Variants in SHB observed in about 807,000 individuals in gnomAD.
SHB encodes SH2 domain containing adaptor protein B, also known as SH2 domain-containing adapter protein B.
In SHB, 20 loss-of-function variants were observed where a neutral mutation model predicts 52.3. The observed-to-expected ratio is 0.38, with a 90% CI of 0.27 to 0.56. The LOEUF (loss-of-function observed/expected upper bound fraction) is 0.56. Among genes scored for constraint, SHB ranks in the 20% least tolerant of loss-of-function variants. The probability of loss-of-function intolerance (pLI) is 0.71; values close to 1 mark genes in which losing one functional copy is unlikely to be tolerated. For missense variants in SHB, 825 were observed against 723.3 expected (o/e 1.14, Z -1.61); for synonymous variants, 397 against 316.5 (o/e 1.25, Z -2.70).
intron 1 of SHB, 77 bp downstream of exon 1, chr9:38,067,852 C>A: frequency 7.3e-7 from 1 of 1,378,888 alleles, no homozygotes; most frequent in African/African-American, 1.5e-5. Flanking sequence ...GACTCAACAC[C>A]AGAGCGGCGG....
chr9:37,965,747 G>A (rs1157265460), intron 3 of SHB, among the ~76,000 whole-genome samples: 1 of 151,824 alleles, frequency 6.6e-6, no homozygotes. Flanking sequence ...AGCTAATTTT[G>A]TATTTTGGGG....
intron 2 of SHB, among the ~76,000 whole-genome samples, chr9:37,977,072 C>A (rs1015524952): frequency 2.6e-5 from 4 of 152,192 alleles, no homozygotes; most frequent in African/African-American, 9.7e-5. Flanking sequence ...GCCATTTCTG[C>A]CTACCAGTTG....
intron 1 of SHB, among the ~76,000 whole-genome samples, chr9:38,025,444 G>A (rs1358300613): frequency 6.6e-6 from 1 of 152,188 alleles, no homozygotes; most frequent in Non-Finnish European, 1.5e-5. Flanking sequence ...ATGGGCCTGA[G>A]AAGGGTATCA....
chr9:37,928,418 A>C (rs1485278685), intron 5 of SHB, among the ~76,000 whole-genome samples: 1 of 152,202 alleles, frequency 6.6e-6, no homozygotes, highest in Non-Finnish European at 1.5e-5. Context: ...AGGCTCCTTA[A>C]AGCAGTGGCT....
intron 3 of SHB, among the ~76,000 whole-genome samples, chr9:37,973,992 C>T (rs572903453): frequency 6.6e-5 from 10 of 152,208 alleles, no homozygotes; most frequent in Non-Finnish European, 1.3e-4. Context: ...TGGTGGCTCA[C>T]GCCTGTAATC....
At chr9:38,046,860 C>A (rs138017797) in intron 1 of SHB, among the ~76,000 whole-genome samples, 93 of 152,366 alleles carry the variant, frequency 6.1e-4, no homozygotes, top group African/African-American at 1.9e-3. Context: ...ACAAGACAAA[C>A]CACATTCCAC....
In SHB at chr9:38,035,061, G is replaced by A. The variant is rs186974937; in HGVS notation, c.718-18930C>T. ...ATAAAGAGCCCAGACTCTCCCCCACGTCTCATGGGCATAATTGAAGGGACC... is the reference window on the plus strand; with the variant it reads ...ATAAAGAGCCCAGACTCTCCCCCACATCTCATGGGCATAATTGAAGGGACC... On this transcript the variant is annotated intron_variant, in intron 1 of 5. Coordinates refer to ENST00000377707, the MANE Select transcript of SHB (RefSeq NM_003028.3). Among the ~76,000 whole-genome samples the A allele has an allele frequency of 4.9e-3, 738 of 152,126 alleles. 7 individuals carry two copies. The highest frequency in any genetic ancestry group is 0.017 in the African/African-American group (712 of 41,500).
At chr9:37,944,778 C>T (rs1033217314) in intron 5 of SHB, among the ~76,000 whole-genome samples, 3 of 152,302 alleles carry the variant, frequency 2.0e-5, no homozygotes, top group Non-Finnish European at 4.4e-5. Context: ...CTGAGCTGCC[C>T]TGCTAGCCGT....
chr9:38,033,891 G>A (rs1041192214), intron 1 of SHB, among the ~76,000 whole-genome samples: 1 of 152,164 alleles, frequency 6.6e-6, no homozygotes, highest in Non-Finnish European at 1.5e-5. Flanking sequence ...ATTTAAGAAG[G>A]GGGAGGTGGC....
Position 37,982,030 on chromosome 9 carries a change from C to T in SHB, c.839-7193G>A, listed in dbSNP as rs975106327. Among the ~76,000 whole-genome samples the T allele has an allele frequency of 3.3e-5, 5 of 151,226 alleles. No homozygotes were observed. The East Asian group carries it at 5.8e-4, about 18-fold the overall frequency. On this transcript the variant is annotated intron_variant, in intron 2 of 5. Coordinates refer to ENST00000377707, the MANE Select transcript of SHB (RefSeq NM_003028.3). ...GACACAGAGACACAAAATGAGCACA[C>T]GCTGTTGGAAAAATGATGCTGATAG... is the stretch of plus-strand genomic sequence containing the variant.
intron 5 of SHB, among the ~76,000 whole-genome samples, chr9:37,933,008 A>C (rs1466934904): frequency 6.6e-6 from 1 of 152,226 alleles, no homozygotes; most frequent in Non-Finnish European, 1.5e-5. Context: ...AGAAGAAAAA[A>C]AATCCAGAGG....
intron 1 of SHB, among the ~76,000 whole-genome samples, chr9:38,043,266 C>T (rs1465287250): frequency 6.6e-6 from 1 of 152,212 alleles, no homozygotes; most frequent in Non-Finnish European, 1.5e-5. Flanking sequence ...GTGCCCTGTC[C>T]TGCATTCCCC....
At chr9:38,047,264 C>T (rs1231338906) in intron 1 of SHB, among the ~76,000 whole-genome samples, 4 of 152,232 alleles carry the variant, frequency 2.6e-5, no homozygotes, top group African/African-American at 9.6e-5. Context: ...CCTGTGAGGA[C>T]TCCAATGAGA....
chr9:37,954,056 G>A (rs1164306431), intron 4 of SHB, among the ~76,000 whole-genome samples: 2 of 152,158 alleles, frequency 1.3e-5, no homozygotes, highest in East Asian at 1.9e-4. Context: ...GGCAGACCTG[G>A]CCACTGCTGG....
At chr9:38,040,016 C>T (rs779882785) in intron 1 of SHB, among the ~76,000 whole-genome samples, 2 of 152,258 alleles carry the variant, frequency 1.3e-5, no homozygotes, top group Non-Finnish European at 2.9e-5. Flanking sequence ...TTACAGCCGC[C>T]TAATTCTTGT....
At position 37,918,238 on chromosome 9, in the gene SHB, G is replaced by A. The variant is rs1312451568; in HGVS notation, c.*1583C>T. Among the ~76,000 whole-genome samples the A allele has an allele frequency of 6.6e-6, 1 of 152,198 alleles. No individual in the cohort carries two copies. ...AACCCTTGTATCTCATTCAGGAGAGGGCAGCCACATCTTCATGCTACTGGG... is the reference window on the plus strand; with the variant it reads ...AACCCTTGTATCTCATTCAGGAGAGAGCAGCCACATCTTCATGCTACTGGG... On this transcript the variant is annotated 3_prime_UTR_variant, in exon 6 of 6. Transcript: ENST00000377707.
At chr9:38,060,525 C>T (rs1008234224) in intron 1 of SHB, among the ~76,000 whole-genome samples, 5 of 152,100 alleles carry the variant, frequency 3.3e-5, no homozygotes, top group African/African-American at 4.8e-5. Flanking sequence ...CCTTGGTTTC[C>T]TCATATGTAA....
chr9:38,020,649 A>G (rs1161642444), intron 1 of SHB, among the ~76,000 whole-genome samples: 2 of 152,228 alleles, frequency 1.3e-5, no homozygotes, highest in Admixed American at 6.5e-5. Flanking sequence ...CTCCAGATTG[A>G]GCAATTCGGC....
chr9:37,974,605 G>C lies in SHB; in HGVS notation c.1054+17C>G. 6.2e-7 allele frequency: 1 copy of C among 1,606,176 alleles called. No individual in the cohort carries two copies. ...CAGCTCAGCAGCTGCCTCCTGAGCAGGGTCAGGGCTCCTTACCTGCCAGGG... is the reference window on the plus strand; with the variant it reads ...CAGCTCAGCAGCTGCCTCCTGAGCACGGTCAGGGCTCCTTACCTGCCAGGG... On this transcript the variant is annotated intron_variant, in intron 3 of 5. Coordinates refer to ENST00000377707, the MANE Select transcript of SHB (RefSeq NM_003028.3).
Sources: allele counts gnomAD v4.1 joint callset (sites outside exome capture counted in the v4.1 genomes callset), GRCh38; gene constraint gnomAD v4.1.1; transcripts MANE v1.5; gene names NCBI Gene and HGNC (gene_info 2026-07-23, HGNC 2026-07-21).